The following RBFOX1 variants were observed in gnomAD, a reference collection of about 807,000 sequenced individuals.
RBFOX1 encodes the protein RNA binding protein fox-1 homolog 1.
RBFOX1 carries 8 observed loss-of-function variants against 57.7 expected under a neutral mutation model. That is an observed-to-expected ratio of 0.14 (90% CI 0.08 to 0.25). The LOEUF is 0.25. Among genes scored for constraint, RBFOX1 ranks in the 10% least tolerant of loss-of-function variants. The pLI, the probability that RBFOX1 is intolerant of heterozygous loss-of-function variation, is 1.00. For missense variants in RBFOX1, 611 were observed against 548.5 expected, an observed-to-expected ratio of 1.11 and a Z score of -1.14; for synonymous variants, 326 against 222.4, an observed-to-expected ratio of 1.47 and a Z score of -4.15.
chr16:6,858,174 GCTCA>G (rs1567587450), intron 3 of RBFOX1, among the ~76,000 whole-genome samples: 3 of 152,184 alleles, frequency 2.0e-5, no homozygotes, highest in African/African-American at 7.2e-5. Flanking sequence ...GGAAGAAATA[GCTCA>G]CTCATAAGTG....
At chr16:5,874,944 C>T (rs1567656826) in intron 4 of RBFOX1, among the ~76,000 whole-genome samples, 1 of 152,006 alleles carries the variant, frequency 6.6e-6, no homozygotes, top group Non-Finnish European at 1.5e-5. Flanking sequence ...AGACCCCGTC[C>T]CCCATAAATA....
At chr16:5,524,944 C>A (rs1011585775) in intron 2 of RBFOX1, among the ~76,000 whole-genome samples, 5 of 152,208 alleles carry the variant, frequency 3.3e-5, no homozygotes, top group Admixed American at 2.0e-4. Flanking sequence ...CCTCCTACCC[C>A]ACTGGGTGCA....
intron 1 of RBFOX1, among the ~76,000 whole-genome samples, chr16:5,346,478 A>G (rs753631064): frequency 6.6e-6 from 1 of 152,178 alleles, no homozygotes; most frequent in Non-Finnish European, 1.5e-5. Flanking sequence ...GATGGATGAG[A>G]AGGAGAGGGT....
At chr16:6,234,298 A>G (rs1264330359) in intron 1 of RBFOX1, among the ~76,000 whole-genome samples, 3 of 152,210 alleles carry the variant, frequency 2.0e-5, no homozygotes, top group Admixed American at 6.5e-5. Flanking sequence ...TTATCTATCG[A>G]AAAGCAAGTA....
chr16:7,560,726 G>A (rs916855678), intron 5 of RBFOX1, among the ~76,000 whole-genome samples: 3 of 152,072 alleles, frequency 2.0e-5, no homozygotes, highest in Middle Eastern at 3.4e-3. Context: ...AGTCTCACCC[G>A]CTTCTCATTG....
At chr16:5,637,653 G>A (rs2048726864) in intron 3 of RBFOX1, among the ~76,000 whole-genome samples, 1 of 152,142 alleles carries the variant, frequency 6.6e-6, no homozygotes, top group African/African-American at 2.4e-5. Context: ...CACCATTTGG[G>A]CAGTCTCTAC....
chr16:6,998,930 A>ACGAT (rs2092510674), intron 3 of RBFOX1, among the ~76,000 whole-genome samples: 1 of 150,738 alleles, frequency 6.6e-6, no homozygotes, highest in Non-Finnish European at 1.5e-5. Context: ...GTGCAGTGGC[A>ACGAT]CGATCTAGGC....
chr16:6,444,470 A>G (rs560436135), intron 2 of RBFOX1, among the ~76,000 whole-genome samples: 1 of 152,238 alleles, frequency 6.6e-6, no homozygotes, highest in South Asian at 2.1e-4. Context: ...TGTGATAATG[A>G]ATAAGTCTCA....
intron 1 of RBFOX1, among the ~76,000 whole-genome samples, chr16:6,144,205 A>C (rs561023073): frequency 2.0e-5 from 3 of 152,164 alleles, no homozygotes; most frequent in Admixed American, 6.5e-5. Flanking sequence ...CATGGACTAT[A>C]AGTGCTGGGA....
intron 3 of RBFOX1, among the ~76,000 whole-genome samples, chr16:6,913,292 C>T (rs978337816): frequency 2.6e-5 from 4 of 152,072 alleles, no homozygotes; most frequent in African/African-American, 9.7e-5. Context: ...TAATTACAGC[C>T]TGTGTCATGC....
At chr16:5,513,493 A>C (rs1170080016) in intron 2 of RBFOX1, among the ~76,000 whole-genome samples, 2 of 151,864 alleles carry the variant, frequency 1.3e-5, no homozygotes, top group East Asian at 1.9e-4. Flanking sequence ...CACACACCAC[A>C]CCCACCTCTT....
intron 2 of RBFOX1, among the ~76,000 whole-genome samples, chr16:5,498,041 C>A (rs1302413807): frequency 6.6e-6 from 1 of 152,128 alleles, no homozygotes; most frequent in Non-Finnish European, 1.5e-5. Context: ...AGAGAAGATT[C>A]CAGAGTGGCT....
At chr16:5,901,395 C>G (rs185164185) in intron 4 of RBFOX1, among the ~76,000 whole-genome samples, 2 of 152,250 alleles carry the variant, frequency 1.3e-5, no homozygotes, top group East Asian at 3.9e-4. Flanking sequence ...GCAATGATGT[C>G]TTATGATGTA....
rs956811111 is a variant in RBFOX1, at chr16:6,271,146, G to A, written c.-126-45849G>A. On this transcript the variant is annotated intron_variant, in intron 1 of 15. Coordinates refer to ENST00000550418, the MANE Select transcript of RBFOX1 (RefSeq NM_018723.4). ...CCTTAAGAACATAGAAAAAGAGGCC[G>A]GGTGTGGTGGCTCACACTTGCAATC... 6.6e-5 allele frequency among the ~76,000 whole-genome samples: 10 copies of A among 152,128 alleles called. No homozygotes were observed. In the South Asian group the frequency reaches 8.3e-4, roughly 13 times the overall value.
At position 6,817,225 on chromosome 16, in the gene RBFOX1, G is replaced by C. The variant is rs182484702; in HGVS notation, c.-16+162575G>C. ...ATTAGGTGCAAGGAACTTTGTTGCA[G>C]AGATTTTAAAGTGGAATCAGACACC... On this transcript the variant is annotated intron_variant, in intron 3 of 15. Transcript: ENST00000550418. Among the ~76,000 whole-genome samples the C allele has an allele frequency of 5.9e-5, 9 of 152,210 alleles. No homozygotes were observed. In the East Asian group the frequency reaches 1.7e-3, roughly 29 times the overall value.
At chr16:7,349,395 C>T (rs982198862) in intron 4 of RBFOX1, among the ~76,000 whole-genome samples, 5 of 152,210 alleles carry the variant, frequency 3.3e-5, no homozygotes, top group African/African-American at 1.2e-4. Flanking sequence ...CCTCCTAATT[C>T]CCCTAAGTCC....
intron 1 of RBFOX1, among the ~76,000 whole-genome samples, chr16:5,436,848 A>T (rs2067933076): frequency 6.6e-6 from 1 of 152,182 alleles, no homozygotes; most frequent in Non-Finnish European, 1.5e-5. Context: ...AAAAAAAAAA[A>T]AAGTTCTGTC....
intron 1 of RBFOX1, among the ~76,000 whole-genome samples, chr16:5,459,548 G>A (rs182412311): frequency 6.6e-5 from 10 of 152,188 alleles, no homozygotes; most frequent in South Asian, 6.2e-4. Flanking sequence ...CTCAAATGCC[G>A]CATGTCCACT....
At chr16:5,605,399 C>T (rs533486596) in intron 3 of RBFOX1, among the ~76,000 whole-genome samples, 1 of 152,274 alleles carries the variant, frequency 6.6e-6, no homozygotes, top group South Asian at 2.1e-4. Flanking sequence ...GGAGGTTAGA[C>T]CCAGTCCCAG....
Sources: gnomAD v4.1 joint callset for allele counts (sites outside exome capture counted in the v4.1 genomes callset) on GRCh38, gnomAD v4.1.1 for gene constraint, MANE v1.5 for transcripts, NCBI Gene and HGNC (gene_info 2026-07-23, HGNC 2026-07-21) for gene names.